AGBL1: variants seen among roughly 807,000 people sequenced by gnomAD.
AGBL1 encodes cytosolic carboxypeptidase 4.
In AGBL1, 130 loss-of-function variants were observed where a neutral mutation model predicts 118.9. The ratio of observed to expected loss-of-function variants is 1.09; its 90% CI spans 0.95 to 1.26. The LOEUF (loss-of-function observed/expected upper bound fraction) is 1.26, where lower values mean the gene tolerates loss of function less well. Ranked by LOEUF, AGBL1 falls within the 50% of genes most tolerant of loss-of-function variation. The pLI is 0.00. For missense variants in AGBL1, 1,584 were observed against 1,298.1 expected (o/e 1.22, Z -3.38); for synonymous variants, 555 against 478.9 (o/e 1.16, Z -2.08).
At chr15:86,332,319 C>A (rs1055236264) in intron 17 of AGBL1, among the ~76,000 whole-genome samples, 2 of 152,026 alleles carry the variant, frequency 1.3e-5, no homozygotes, top group Non-Finnish European at 2.9e-5. Flanking sequence ...CTTTGACACC[C>A]CACTGACAGT....
chr15:86,958,206 T>TAA (rs545565434), intron 23 of AGBL1, among the ~76,000 whole-genome samples: 17 of 125,188 alleles, frequency 1.4e-4, no homozygotes, highest in South Asian at 1.3e-3. Context: ...TCTTGTTTCT[T>TAA]AAAAAAAAAA....
At position 86,925,154 on chromosome 15, in the gene AGBL1, AGG is replaced by A; in HGVS notation, c.3222-62832_3222-62831del. 8.7e-5 allele frequency among the ~76,000 whole-genome samples: 2 copies of A among 22,896 alleles called. 1 individual carries two copies. Among genetic ancestry groups the A allele is most frequent in the African/African-American group, 1.9e-4 (2 of 10,448 alleles). The allele number at this position is 22,896 out of a possible 152,430, so 15.0% of individuals were successfully genotyped here. The stretch of plus-strand genomic sequence containing the variant: ...GAAGAGGAAGAGGAAGAGGAGGAGG[AGG>A]AGGAGGAGGAGGAAGAGGAAGAGGA... On this transcript the variant is annotated intron_variant, in intron 23 of 24. Coordinates refer to the AGBL1 transcript ENST00000441037.
intron 22 of AGBL1, among the ~76,000 whole-genome samples, chr15:86,838,776 C>G (rs2079202835): frequency 6.7e-6 from 1 of 149,538 alleles, no homozygotes; most frequent in South Asian, 2.1e-4. Flanking sequence ...CTCATCCCTA[C>G]AAAAAAAAAT....
intron 23 of AGBL1, among the ~76,000 whole-genome samples, chr15:86,932,259 C>T (rs1002258418): frequency 6.6e-6 from 1 of 152,138 alleles, no homozygotes; most frequent in Non-Finnish European, 1.5e-5. Flanking sequence ...TGCATATAAA[C>T]AACGAAGTAA....
intron 18 of AGBL1, among the ~76,000 whole-genome samples, chr15:86,426,196 C>A (rs575836078): frequency 6.6e-6 from 1 of 152,020 alleles, no homozygotes; most frequent in African/African-American, 2.4e-5. Flanking sequence ...TGAAAGACTG[C>A]GAATTCTTTG....
At chr15:86,762,206 T>A (rs2078036191) in intron 22 of AGBL1, among the ~76,000 whole-genome samples, 1 of 151,842 alleles carries the variant, frequency 6.6e-6, no homozygotes, top group Non-Finnish European at 1.5e-5. Context: ...CATCACACAG[T>A]GGGGCCTGTT....
intron 19 of AGBL1, among the ~76,000 whole-genome samples, chr15:86,536,913 G>A (rs2083434598): frequency 6.6e-6 from 1 of 152,146 alleles, no homozygotes; most frequent in Non-Finnish European, 1.5e-5. Context: ...ATGAAGACAC[G>A]GAAGAGACTT....
chr15:86,110,910 A>G (rs936952239), intron 1 of AGBL1, among the ~76,000 whole-genome samples: 1 of 152,214 alleles, frequency 6.6e-6, no homozygotes, highest in Non-Finnish European at 1.5e-5. Context: ...TTTAGTAAAC[A>G]AATCCCGAGT....
At chr15:86,543,284 G>C (rs1179671272) in intron 19 of AGBL1, among the ~76,000 whole-genome samples, 1 of 152,158 alleles carries the variant, frequency 6.6e-6, no homozygotes, top group Non-Finnish European at 1.5e-5. Context: ...AGGACCTTAT[G>C]ACAGTATATA....
At chr15:86,196,013 A>G (rs2141840653) in intron 5 of AGBL1, among the ~76,000 whole-genome samples, 1 of 152,354 alleles carries the variant, frequency 6.6e-6, no homozygotes, top group East Asian at 1.9e-4. Context: ...TTCAGTTCAA[A>G]TGCCATAAGA....
intron 7 of AGBL1, 80 bp from the exon 8 acceptor site, chr15:86,256,749 AGGAGACTGTGCTGTGTTACAGCTT>A: frequency 8.8e-7 from 1 of 1,135,622 alleles, no homozygotes; most frequent in Non-Finnish European, 1.3e-6. Context: ...AAACACAGCT[AGGAGACTGTGCTGTGTTACAGCTT>A]GGAGAGTGTT....
At chr15:86,105,629 G>A (rs1897011173) in intron 1 of AGBL1, among the ~76,000 whole-genome samples, 1 of 152,210 alleles carries the variant, frequency 6.6e-6, no homozygotes, top group African/African-American at 2.4e-5. Context: ...GGAAAGAGAG[G>A]CCTTTACTCA....
chr15:86,616,699 A>C (rs75537667), intron 21 of AGBL1, among the ~76,000 whole-genome samples: 2,806 of 152,264 alleles, frequency 0.018, 80 homozygotes, highest in African/African-American at 0.062. Flanking sequence ...CAGACAAAAT[A>C]TTTGGTTGAT....
At chr15:86,284,938 C>G (rs1038201005) in intron 16 of AGBL1, among the ~76,000 whole-genome samples, 1 of 152,086 alleles carries the variant, frequency 6.6e-6, no homozygotes, top group Non-Finnish European at 1.5e-5. Context: ...CTGGGGGTTT[C>G]TACAATTGCC....
intron 23 of AGBL1, among the ~76,000 whole-genome samples, chr15:86,949,828 A>C (rs368307333): frequency 6.6e-6 from 1 of 152,240 alleles, no homozygotes; most frequent in East Asian, 1.9e-4. Context: ...GAACCTCACT[A>C]TACCCAATGA....
At chr15:86,273,231 C>T (rs1008009611) in intron 15 of AGBL1, among the ~76,000 whole-genome samples, 4 of 152,188 alleles carry the variant, frequency 2.6e-5, no homozygotes, top group Non-Finnish European at 5.9e-5. Flanking sequence ...GAAGAAGCCA[C>T]ACTTTCAAAA....
intron 21 of AGBL1, among the ~76,000 whole-genome samples, chr15:86,563,160 C>T (rs1300273777): frequency 6.6e-6 from 1 of 152,016 alleles, no homozygotes; most frequent in African/African-American, 2.4e-5. Context: ...CTACTCTGAT[C>T]TTAGTTATTT....
chr15:86,401,396 T>C (rs1418874347), intron 18 of AGBL1, among the ~76,000 whole-genome samples: 1 of 152,224 alleles, frequency 6.6e-6, no homozygotes, highest in African/African-American at 2.4e-5. Context: ...TCTCCCACTC[T>C]GTGGGTTGTC....
At chr15:86,483,571 G>A (rs1312989959) in intron 18 of AGBL1, among the ~76,000 whole-genome samples, 1 of 151,978 alleles carries the variant, frequency 6.6e-6, no homozygotes, top group African/African-American at 2.4e-5. Context: ...AGTCCATTAG[G>A]GAGCTTAAAA....
Sources: gnomAD v4.1 joint callset for allele counts (sites outside exome capture counted in the v4.1 genomes callset) on GRCh38, gnomAD v4.1.1 for gene constraint, MANE v1.5 for transcripts, NCBI Gene and HGNC (gene_info 2026-07-23, HGNC 2026-07-21) for gene names.